Variants in PHC3 observed in about 807,000 individuals in gnomAD.
PHC3 encodes the protein polyhomeotic-like protein 3.
Under a neutral mutation model 107.4 loss-of-function variants are expected in PHC3, and 13 were observed. The observed-to-expected ratio is 0.12, with a 90% CI of 0.08 to 0.19. The LOEUF is 0.19. Ranked by LOEUF, PHC3 falls within the 10% of genes least tolerant of loss-of-function variation. The pLI is 1.00. For synonymous variants in PHC3, 456 were observed against 427.4 expected (o/e 1.07, Z -0.83); for missense variants, 992 against 1,210.9 (o/e 0.82, Z 2.68).
In PHC3 at chr3:170,172,541, C is replaced by CTT; in HGVS notation, c.336+14_336+15dup. ...AACAGAAACTTTGATCTCATAAACT[C>CTT]TTATTTTAGTCTTACCTGAACAGCA... On this transcript the variant is annotated intron_variant, in intron 3 of 14. Transcript: ENST00000495893. 6.2e-7 allele frequency: 1 copy of CTT among 1,605,850 alleles called. No homozygotes were observed. Among genetic ancestry groups the CTT allele is most frequent in the African/African-American group, 1.3e-5 (1 of 74,464 alleles).
chr3:170,106,068 T>A (rs1451531253), intron 12 of PHC3, among the ~76,000 whole-genome samples: 3 of 151,964 alleles, frequency 2.0e-5, no homozygotes, highest in Admixed American at 2.0e-4. Context: ...AAAAATTAGC[T>A]GGGCATGGTG....
rs979065044 is a variant in PHC3 at position 170,091,100 on chromosome 3, A to C, written c.*6130T>G. 6.6e-6 allele frequency: 1 copy of C among 152,174 alleles called. No homozygotes were observed. The highest frequency in any genetic ancestry group is 1.5e-5 in the Non-Finnish European group (1 of 68,028). 9.4% of individuals were successfully genotyped at this position (152,174 alleles called of 1,614,324 possible). On this transcript the variant is annotated 3_prime_UTR_variant, in exon 15 of 15. Transcript: ENST00000495893. ...CAACTTTTTCACCACCATCACTTAA[A>C]GCTCCACAAAGCTTGGATTTAACAC...
chr3:170,143,201 C>A (rs1724383730), intron 6 of PHC3, among the ~76,000 whole-genome samples: 1 of 151,980 alleles, frequency 6.6e-6, no homozygotes. Flanking sequence ...CTAAATAAAT[C>A]AATCAATTAA....
intron 8 of PHC3, among the ~76,000 whole-genome samples, chr3:170,125,403 G>A (rs1721086302): frequency 6.6e-6 from 1 of 152,102 alleles, no homozygotes; most frequent in African/African-American, 2.4e-5. Context: ...AAACAAGTAT[G>A]GTTTTATCGA....
chr3:170,179,592 T>C (rs1297041356), intron 1 of PHC3, among the ~76,000 whole-genome samples: 1 of 152,212 alleles, frequency 6.6e-6, no homozygotes, highest in Non-Finnish European at 1.5e-5. Context: ...AAACAGCAAC[T>C]TCCCATACCC....
chr3:170,090,094 C>G lies in PHC3; in HGVS notation c.*7136G>C, dbSNP rs1260158536. 4 of 151,856 alleles carry G rather than the reference C, an allele frequency of 2.6e-5. No individual in the cohort carries two copies. The highest frequency in any genetic ancestry group is 4.2e-4 in the South Asian group (2 of 4,808). 9.4% of individuals were successfully genotyped at this position (151,856 alleles called of 1,614,324 possible). A position where few individuals can be genotyped will look rare whatever the true frequency, so the allele number is the denominator to read the frequency against. On this transcript the variant is annotated 3_prime_UTR_variant, in exon 15 of 15. Transcript: ENST00000495893. ...GTTGTGAAATACGGGCTGTCTCAAC[C>G]TGTAAGTCCTTAATGTTAAGTCTCC... is the stretch of plus-strand genomic sequence containing the variant.
intron 4 of PHC3, among the ~76,000 whole-genome samples, chr3:170,158,747 C>G (rs1727326683): frequency 6.7e-6 from 1 of 150,152 alleles, no homozygotes; most frequent in Non-Finnish European, 1.5e-5. Context: ...GGCAACATGG[C>G]AAGACTTTGA....
intron 14 of PHC3, among the ~76,000 whole-genome samples, chr3:170,099,241 A>G (rs1380347790): frequency 6.6e-6 from 1 of 152,204 alleles, no homozygotes; most frequent in Non-Finnish European, 1.5e-5. Context: ...CTTGTAGGTG[A>G]ACAGTAAATG....
chr3:170,121,714 A>G (rs1720356412), intron 9 of PHC3, among the ~76,000 whole-genome samples: 1 of 152,140 alleles, frequency 6.6e-6, no homozygotes, highest in Admixed American at 6.5e-5. Flanking sequence ...CTGAATCACA[A>G]ACAATTGTGA....
intron 11 of PHC3, among the ~76,000 whole-genome samples, chr3:170,110,295 C>T (rs1412404319): frequency 6.6e-6 from 1 of 152,132 alleles, no homozygotes; most frequent in Non-Finnish European, 1.5e-5. Context: ...ACTTGCTTGT[C>T]TAATATCCAA....
chr3:170,103,805 ACT>A (rs1440280564), intron 12 of PHC3, among the ~76,000 whole-genome samples: 1 of 152,218 alleles, frequency 6.6e-6, no homozygotes, highest in African/African-American at 2.4e-5. Flanking sequence ...TAATCCCAGC[ACT>A]TTGGGAGGCC....
chr3:170,167,106 T>G (rs1728859414), intron 4 of PHC3, among the ~76,000 whole-genome samples: 1 of 152,212 alleles, frequency 6.6e-6, no homozygotes, highest in Non-Finnish European at 1.5e-5. Context: ...TTTCCTTGTT[T>G]TCTACTTTAA....
At chr3:170,110,233 T>C (rs1014591511) in intron 11 of PHC3, among the ~76,000 whole-genome samples, 9 of 152,032 alleles carry the variant, frequency 5.9e-5, no homozygotes, top group Non-Finnish European at 1.0e-4. Flanking sequence ...AACACCTTCC[T>C]AAAAATCTTC....
chr3:170,126,638 T>C (rs889413190), intron 8 of PHC3, among the ~76,000 whole-genome samples: 3 of 150,656 alleles, frequency 2.0e-5, no homozygotes, highest in African/African-American at 7.3e-5. Context: ...GCCTCACGGG[T>C]TCAAGCCATT....
intron 11 of PHC3, among the ~76,000 whole-genome samples, chr3:170,109,459 A>G (rs924600459): frequency 6.6e-6 from 1 of 152,154 alleles, no homozygotes; most frequent in Non-Finnish European, 1.5e-5. Flanking sequence ...TGAGTGCCCA[A>G]TACTAAGGAA....
At position 170,127,339 on chromosome 3, in the gene PHC3, T is replaced by C. The variant is rs117546405; in HGVS notation, c.1788+1345A>G. On this transcript the variant is annotated intron_variant, in intron 8 of 14. Coordinates refer to ENST00000495893, the MANE Select transcript of PHC3 (RefSeq NM_024947.4). Reference sequence around the variant, plus strand: ...GGCCACCACTCCCGGGTAATTTTTGTATTTTTCTGTGTAGACAGGGTTTCA... The same window carrying C: ...GGCCACCACTCCCGGGTAATTTTTGCATTTTTCTGTGTAGACAGGGTTTCA... 3.9e-3 allele frequency among the ~76,000 whole-genome samples: 601 copies of C among 152,262 alleles called. 20 individuals are homozygous for C. The East Asian group carries it at 0.098, about 25-fold the overall frequency.
intron 9 of PHC3, among the ~76,000 whole-genome samples, chr3:170,120,516 T>A (rs1479443442): frequency 6.6e-6 from 1 of 151,666 alleles, no homozygotes; most frequent in Non-Finnish European, 1.5e-5. Context: ...AAAGTTGCAG[T>A]GAGCCGAGAT....
chr3:170,170,597 C>T (rs919047326), intron 4 of PHC3: 4 of 151,854 alleles, frequency 2.6e-5, no homozygotes, highest in Admixed American at 2.0e-4. Context: ...AGGAAATACA[C>T]ATCAAAGTAT....
rs1714668012 is a variant in PHC3, at chr3:170,096,571, C to A, written c.*659G>T. ...CAAAACTGACCTCCACTGAGAACCA[C>A]TGCTCTAAATAAATGTACAAAAACT... is the stretch of plus-strand genomic sequence containing the variant. On this transcript the variant is annotated 3_prime_UTR_variant, in exon 15 of 15. Coordinates refer to ENST00000495893, the MANE Select transcript of PHC3 (RefSeq NM_024947.4). 1 of 152,116 alleles carries A rather than the reference C, an allele frequency of 6.6e-6. No homozygotes were observed. The highest frequency in any genetic ancestry group is 6.6e-5 in the Admixed American group (1 of 15,256). The allele number at this position is 152,116 out of a possible 1,614,324, so 9.4% of individuals were successfully genotyped here. A position where few individuals can be genotyped will look rare whatever the true frequency, so the allele number is the denominator to read the frequency against.
Sources: allele counts gnomAD v4.1 joint callset (sites outside exome capture counted in the v4.1 genomes callset), GRCh38; gene constraint gnomAD v4.1.1; transcripts MANE v1.5; gene names NCBI Gene and HGNC (gene_info 2026-07-23, HGNC 2026-07-21).